PRELID2: variants seen among roughly 807,000 people sequenced by gnomAD.
The protein encoded by PRELID2 is PRELI domain containing 2.
Under a neutral mutation model 28.4 loss-of-function variants are expected in PRELID2, and 25 were observed. The observed-to-expected ratio is 0.88, with a 90% CI of 0.64 to 1.23. PRELID2 has a LOEUF of 1.23. Ranked by LOEUF, PRELID2 falls within the 50% of genes most tolerant of loss-of-function variation. PRELID2 has a pLI of 0.00. For missense variants in PRELID2, 201 were observed against 214.4 expected (o/e 0.94, Z 0.39); for synonymous variants, 76 against 71.6 (o/e 1.06, Z -0.31).
In PRELID2 at chr5:145,809,278, G is replaced by A. The variant is rs1247102279; in HGVS notation, c.368+8616C>T. Among the ~76,000 whole-genome samples, 7 of 152,318 alleles carry A rather than the reference G, an allele frequency of 4.6e-5. No individual in the cohort carries two copies. The East Asian group carries it at 1.3e-3, about 29-fold the overall frequency. On this transcript the variant is annotated intron_variant, in intron 4 of 6. Transcript: ENST00000683046. ...GCTGGTCTGGAACTCCTGGGCTCAA[G>A]CAATCTGCCTGCCTTAGCCTCCCAA...
At chr5:145,415,974 T>C in the PRELID2 span, among the ~76,000 whole-genome samples, 39 of 152,268 alleles carry the variant, frequency 2.6e-4, no homozygotes, top group East Asian at 7.1e-3. Flanking sequence ...ATTGCCATTC[T>C]AACTGGTGTG....
At chr5:145,301,495 G>C in the PRELID2 span, among the ~76,000 whole-genome samples, 1 of 152,030 alleles carries the variant, frequency 6.6e-6, no homozygotes, top group African/African-American at 2.4e-5. Context: ...TTGAAGAGTT[G>C]ATACATTTTG....
At chr5:145,602,273 C>T (rs904027290) in intron 1 of PRELID2, among the ~76,000 whole-genome samples, 7 of 152,092 alleles carry the variant, frequency 4.6e-5, no homozygotes, top group Non-Finnish European at 8.8e-5. Context: ...ACATAGGGAC[C>T]TTAGTAAAAT....
the PRELID2 span, among the ~76,000 whole-genome samples, chr5:145,438,371 T>A: frequency 2.0e-5 from 3 of 152,128 alleles, no homozygotes; most frequent in African/African-American, 2.4e-5. Flanking sequence ...AGCCTAGTTA[T>A]AAACAACATG....
chr5:145,693,675 G>A (rs1267150158), intron 1 of PRELID2, among the ~76,000 whole-genome samples: 1 of 152,208 alleles, frequency 6.6e-6, no homozygotes, highest in African/African-American at 2.4e-5. Flanking sequence ...TCAGGAGGCT[G>A]AGGTGAGAGA....
chr5:145,465,626 C>T, the PRELID2 span, among the ~76,000 whole-genome samples: 4 of 152,054 alleles, frequency 2.6e-5, no homozygotes, highest in Admixed American at 1.3e-4. Flanking sequence ...GTAAAATAAC[C>T]GTCCTAATCG....
the PRELID2 span, among the ~76,000 whole-genome samples, chr5:145,326,986 G>A: frequency 1.0e-4 from 2 of 19,068 alleles, no homozygotes; most frequent in African/African-American, 2.1e-4. Flanking sequence ...AGTCACAAAC[G>A]CCTCCCAAAA....
In PRELID2 at chr5:145,518,135, TATAATAATAATAATAATA is replaced by T. The variant is rs56385008; in HGVS notation, n.71-44838_71-44821del. ...TGCAAATGTGTCCCAGAACTTGAAG[TATAATAATAATAATAATA>T]ATAATAATAATAATAATAATAATAA... On this transcript the variant is annotated intron_variant and non_coding_transcript_variant, in intron 1 of 2. Coordinates refer to the PRELID2 transcript ENST00000510259. Among the ~76,000 whole-genome samples the T allele has an allele frequency of 3.4e-4, 49 of 142,528 alleles. No homozygotes were observed. In the South Asian group the frequency reaches 4.7e-3, roughly 14 times the overall value. The allele number at this position is 142,528 out of a possible 152,430, so 93.5% of individuals were successfully genotyped here. A position where few individuals can be genotyped will look rare whatever the true frequency, so the allele number is the denominator to read the frequency against.
At chr5:145,731,577 A>G (rs968856262) in intron 1 of PRELID2, among the ~76,000 whole-genome samples, 1 of 152,232 alleles carries the variant, frequency 6.6e-6, no homozygotes, top group Non-Finnish European at 1.5e-5. Context: ...AAATGAGGCT[A>G]ATTACAACAT....
intron 5 of PRELID2, among the ~76,000 whole-genome samples, chr5:145,786,428 C>T (rs1751998840): frequency 6.6e-6 from 1 of 152,192 alleles, no homozygotes; most frequent in Admixed American, 6.5e-5. Context: ...ACGCTCACTG[C>T]CACATTCTGA....
Position 145,649,741 on chromosome 5 carries a change from T to G in PRELID2, n.70+115190A>C, listed in dbSNP as rs147657519. On this transcript the variant is annotated intron_variant and non_coding_transcript_variant, in intron 1 of 2. Transcript: ENST00000510259. ...CATTTCAAGGCTCCAAATTTTGTATTTAGATTTTTTCATAGTTTCCAATTT... is the reference window on the plus strand; with the variant it reads ...CATTTCAAGGCTCCAAATTTTGTATGTAGATTTTTTCATAGTTTCCAATTT... Among the ~76,000 whole-genome samples the G allele has an allele frequency of 5.3e-3, 809 of 152,316 alleles. 7 individuals are homozygous for G. The highest frequency in any genetic ancestry group is 0.01 in the Middle Eastern group (3 of 294).
the PRELID2 span, among the ~76,000 whole-genome samples, chr5:145,332,952 G>A: frequency 3.9e-5 from 6 of 152,226 alleles, no homozygotes; most frequent in Admixed American, 3.9e-4. Context: ...TGGGGTTTTT[G>A]TATGGACGTC....
At chr5:145,681,084 C>T (rs868097217) in intron 1 of PRELID2, among the ~76,000 whole-genome samples, 2 of 152,144 alleles carry the variant, frequency 1.3e-5, no homozygotes, top group African/African-American at 4.8e-5. Context: ...CTCTTCACTC[C>T]GGTACTGGAA....
intron 1 of PRELID2, among the ~76,000 whole-genome samples, chr5:145,501,877 A>G (rs1752362230): frequency 6.6e-6 from 1 of 152,032 alleles, no homozygotes; most frequent in African/African-American, 2.4e-5. Flanking sequence ...TCAGTGGTTC[A>G]CCTCCAGAGT....
At chr5:145,658,986 C>T (rs893540517) in intron 1 of PRELID2, among the ~76,000 whole-genome samples, 1 of 152,046 alleles carries the variant, frequency 6.6e-6, no homozygotes, top group Non-Finnish European at 1.5e-5. Context: ...ATGGGAAGTT[C>T]GAGGCAGATG....
chr5:145,619,138 T>C (rs1753740046), intron 1 of PRELID2, among the ~76,000 whole-genome samples: 1 of 152,280 alleles, frequency 6.6e-6, no homozygotes, highest in Admixed American at 6.5e-5. Flanking sequence ...AGGCCTTAGT[T>C]CTTCCCCCAC....
chr5:145,478,848 C>A (rs1291223463), intron 1 of PRELID2, among the ~76,000 whole-genome samples: 1 of 152,172 alleles, frequency 6.6e-6, no homozygotes, highest in Non-Finnish European at 1.5e-5. Context: ...CCAGCCCAAA[C>A]TGGATCTACT....
chr5:145,711,902 G>A (rs1271836187), intron 1 of PRELID2, among the ~76,000 whole-genome samples: 1 of 152,228 alleles, frequency 6.6e-6, no homozygotes, highest in African/African-American at 2.4e-5. Flanking sequence ...TAAGTTGGCA[G>A]CCAGACTGCA....
chr5:145,328,374 C>T, the PRELID2 span, among the ~76,000 whole-genome samples: 42 of 152,166 alleles, frequency 2.8e-4, no homozygotes, highest in South Asian at 1.9e-3. Context: ...TCTTCTAAAA[C>T]GGTTGAACTA....
Sources: gnomAD v4.1 joint callset for allele counts (sites outside exome capture counted in the v4.1 genomes callset) on GRCh38, gnomAD v4.1.1 for gene constraint, MANE v1.5 for transcripts, NCBI Gene and HGNC (gene_info 2026-07-23, HGNC 2026-07-21) for gene names.